Variants in TIAM1 observed in about 807,000 individuals in gnomAD.
The protein encoded by TIAM1 is TIAM Rac1 associated GEF 1, also known as rho guanine nucleotide exchange factor TIAM1.
A neutral mutation model predicts 163.5 loss-of-function variants in TIAM1; 65 were observed. The ratio of observed to expected loss-of-function variants is 0.40; its 90% CI spans 0.33 to 0.49. The LOEUF (loss-of-function observed/expected upper bound fraction) is 0.49, where lower values mean the gene tolerates loss of function less well. Ranked by LOEUF, TIAM1 falls within the 20% of genes least tolerant of loss-of-function variation. TIAM1 has a pLI of 0.77. For missense variants in TIAM1, 1,789 were observed against 2,044.7 expected (o/e 0.87, Z 2.41); for synonymous variants, 833 against 810.1 (o/e 1.03, Z -0.48).
At chr21:31,298,031 A>G (rs1281006135) in intron 2 of TIAM1, among the ~76,000 whole-genome samples, 1 of 152,170 alleles carries the variant, frequency 6.6e-6, no homozygotes, top group Non-Finnish European at 1.5e-5. Flanking sequence ...TAGATAATCT[A>G]ATCATCACAG....
At chr21:31,468,867 G>T (rs914187101) in intron 1 of TIAM1, among the ~76,000 whole-genome samples, 1 of 152,030 alleles carries the variant, frequency 6.6e-6, no homozygotes, top group African/African-American at 2.4e-5. Flanking sequence ...ATCTGTGCCT[G>T]GGAGGCTGCC....
intron 2 of TIAM1, among the ~76,000 whole-genome samples, chr21:31,312,627 G>A (rs139229006): frequency 6.6e-6 from 1 of 152,296 alleles, no homozygotes; most frequent in East Asian, 1.9e-4. Flanking sequence ...GTATGAAGGT[G>A]TTTTCACTGA....
rs1195513415 is a variant in TIAM1, at chr21:31,182,498, A to G, written c.2810T>C (p.Leu937Pro). ...GTCCACTCGGTGGGGCGGGCTTTCCAGCAGCTCCACTCCTTCCTCCAGCTC... is the reference window on the plus strand; with the variant it reads ...GTCCACTCGGTGGGGCGGGCTTTCCGGCAGCTCCACTCCTTCCTCCAGCTC... ...YPELEEGVELLESPPHRVDGP... is the reference protein window; with the variant it reads ...YPELEEGVELPESPPHRVDGP... The change falls in exon 15 of 28, where the codon CTG becomes CCG. Residue 937 changes from leucine to proline, a missense_variant. Leu to Pro is a moderately conservative substitution (Grantham distance 98). This residue lies in a region of TIAM1 where 303 missense variants were observed against 321.3 expected (regional missense o/e 0.94). Transcript: ENST00000541036. The G allele has an allele frequency of 1.2e-6, 2 of 1,612,332 alleles. No individual in the cohort carries two copies. Among genetic ancestry groups the G allele is most frequent in the Middle Eastern group, 1.7e-4 (1 of 6,040 alleles).
intron 2 of TIAM1, among the ~76,000 whole-genome samples, chr21:31,336,488 C>CTT (rs34052300): frequency 3.3e-4 from 42 of 125,434 alleles, no homozygotes; most frequent in Middle Eastern, 4.1e-3. Context: ...TTGCCCCTTG[C>CTT]TTTTTTTTTT....
chr21:31,483,941 T>C (rs561978336), intron 1 of TIAM1, among the ~76,000 whole-genome samples: 1 of 152,274 alleles, frequency 6.6e-6, no homozygotes, highest in Non-Finnish European at 1.5e-5. Context: ...TTGGGTCCCC[T>C]GCAGAACTCA....
At chr21:31,425,087 G>A (rs2043737381) in intron 2 of TIAM1, among the ~76,000 whole-genome samples, 1 of 151,390 alleles carries the variant, frequency 6.6e-6, no homozygotes, top group African/African-American at 2.4e-5. Context: ...AAACAAAATA[G>A]CTAAGATGGT....
intron 1 of TIAM1, among the ~76,000 whole-genome samples, chr21:31,481,305 T>C (rs1404303708): frequency 6.6e-6 from 1 of 152,180 alleles, no homozygotes; most frequent in Non-Finnish European, 1.5e-5. Context: ...TTGGGGTACC[T>C]GTTTCTATCC....
At chr21:31,396,244 T>C (rs576462104) in intron 2 of TIAM1, among the ~76,000 whole-genome samples, 2 of 152,360 alleles carry the variant, frequency 1.3e-5, no homozygotes, top group Admixed American at 6.5e-5. Context: ...ACCTCGCTCC[T>C]GCAGGTGACT....
intron 1 of TIAM1, among the ~76,000 whole-genome samples, chr21:31,475,013 G>A (rs1363838082): frequency 2.2e-5 from 3 of 135,900 alleles, no homozygotes; most frequent in South Asian, 2.6e-4. Flanking sequence ...ATAAGTTGCT[G>A]TGAGCTAGTT....
At chr21:31,533,888 G>A (rs932089971) in intron 1 of TIAM1, among the ~76,000 whole-genome samples, 1 of 152,214 alleles carries the variant, frequency 6.6e-6, no homozygotes, top group African/African-American at 2.4e-5. Context: ...CAGACCCTCT[G>A]ATGGAAATGT....
At chr21:31,554,716 C>G (rs901242425) in intron 1 of TIAM1, among the ~76,000 whole-genome samples, 2 of 152,308 alleles carry the variant, frequency 1.3e-5, no homozygotes, top group East Asian at 3.9e-4. Context: ...ACCCCCACCC[C>G]CTCCACCTCT....
At chr21:31,305,733 C>T (rs2074683764) in intron 2 of TIAM1, among the ~76,000 whole-genome samples, 1 of 152,162 alleles carries the variant, frequency 6.6e-6, no homozygotes, top group Non-Finnish European at 1.5e-5. Context: ...CCCTTCTGTG[C>T]CAGTTTATGA....
Position 31,376,322 on chromosome 21 carries a change from C to G in TIAM1, c.-368-36900G>C, listed in dbSNP as rs559090658. Among the ~76,000 whole-genome samples, 13 of 152,260 alleles carry G rather than the reference C, an allele frequency of 8.5e-5. No individual in the cohort carries two copies. The South Asian group carries it at 2.5e-3, about 29-fold the overall frequency. ...AACACCAATCACCAAGAACATGATT[C>G]TCCCCAAACCATAGGTGCTATCTCA... On this transcript the variant is annotated intron_variant, in intron 2 of 28. Coordinates refer to the TIAM1 transcript ENST00000286827.
At chr21:31,241,151 C>T (rs995761166) in intron 6 of TIAM1, among the ~76,000 whole-genome samples, 8 of 152,192 alleles carry the variant, frequency 5.3e-5, no homozygotes, top group African/African-American at 1.7e-4. Context: ...TCCATTAAAC[C>T]TCTTTTCCTT....
intron 2 of TIAM1, among the ~76,000 whole-genome samples, chr21:31,409,372 T>C (rs1331982964): frequency 6.6e-6 from 1 of 152,088 alleles, no homozygotes; most frequent in Non-Finnish European, 1.5e-5. Flanking sequence ...CCTCCCAAAG[T>C]GTCGGGATTA....
At chr21:31,363,051 T>C (rs999058136) in intron 2 of TIAM1, among the ~76,000 whole-genome samples, 19 of 152,152 alleles carry the variant, frequency 1.2e-4, no homozygotes, top group Non-Finnish European at 1.3e-4. Flanking sequence ...CTGGGATCAT[T>C]GTTGAACCTC....
chr21:31,359,842 AAGGAAGGAAG>A (rs2076377738), intron 2 of TIAM1, among the ~76,000 whole-genome samples: 3 of 132,892 alleles, frequency 2.3e-5, no homozygotes, highest in Admixed American at 1.4e-4. Flanking sequence ...GGAAGGAAGG[AAGGAAGGAAG>A]GAAGGAAGGA....
At chr21:31,542,673 A>T (rs919800217) in intron 1 of TIAM1, among the ~76,000 whole-genome samples, 2 of 152,128 alleles carry the variant, frequency 1.3e-5, no homozygotes, top group African/African-American at 4.8e-5. Flanking sequence ...GACACTTTTT[A>T]AAAACCCAGG....
intron 20 of TIAM1, among the ~76,000 whole-genome samples, chr21:31,142,575 G>A (rs2082898218): frequency 6.8e-6 from 1 of 146,512 alleles, no homozygotes; most frequent in Non-Finnish European, 1.5e-5. Context: ...AGGTTGCAGT[G>A]AGCCGAGATC....
Sources: allele counts gnomAD v4.1 joint callset (sites outside exome capture counted in the v4.1 genomes callset), GRCh38; gene constraint gnomAD v4.1.1; regional missense constraint gnomAD v4.1.1; transcripts MANE v1.5; gene names NCBI Gene and HGNC (gene_info 2026-07-23, HGNC 2026-07-21).